The following SMAD6 variants were observed in gnomAD, a reference collection of about 807,000 sequenced individuals.
The protein encoded by SMAD6 is MAD homolog 6.
Under a neutral mutation model 39.4 loss-of-function variants are expected in SMAD6, and 103 were observed. That is an observed-to-expected ratio of 2.62 (90% confidence interval 2.23 to 3.08). SMAD6 has a LOEUF of 3.08. SMAD6 is among the 30% of genes most tolerant of loss of function. The pLI is 0.00. For synonymous variants in SMAD6, 445 were observed against 353.3 expected, an observed-to-expected ratio of 1.26 and a Z score of -2.91; for missense variants, 1,104 against 742.9, an observed-to-expected ratio of 1.49 and a Z score of -5.65.
chr15:66,731,685 G>T (rs1435614013), intron 3 of SMAD6, among the ~76,000 whole-genome samples: 1 of 152,150 alleles, frequency 6.6e-6, no homozygotes, highest in Non-Finnish European at 1.5e-5. Context: ...GGCTACAAAG[G>T]TTTGTGTTCA....
intron 3 of SMAD6, among the ~76,000 whole-genome samples, chr15:66,763,028 C>T (rs1338960825): frequency 6.6e-6 from 1 of 152,014 alleles, no homozygotes; most frequent in Non-Finnish European, 1.5e-5. Context: ...CTGCTTCCTT[C>T]ACGCAGTGGG....
chr15:66,729,059 T>A (rs1893574687), intron 3 of SMAD6, among the ~76,000 whole-genome samples: 1 of 152,210 alleles, frequency 6.6e-6, no homozygotes, highest in Non-Finnish European at 1.5e-5. Flanking sequence ...TCATTTACCC[T>A]CTTACAGATG....
Position 66,702,731 on chromosome 15 carries a change from G to A in SMAD6, c.-528G>A, listed in dbSNP as rs1311851985. Reference sequence around the variant, plus strand: ...TTCCTTTTTTTTTTCTTTTTGCAGGGAGTAAGAAGGGAGCTGGGGGTATCA... The same window carrying A: ...TTCCTTTTTTTTTTCTTTTTGCAGGAAGTAAGAAGGGAGCTGGGGGTATCA... On this transcript the variant is annotated 5_prime_UTR_variant, in exon 1 of 4. Transcript: ENST00000288840. 3 of 152,304 alleles carry A rather than the reference G, an allele frequency of 2.0e-5. No individual in the cohort carries two copies. Among genetic ancestry groups the A allele is most frequent in the Admixed American group, 1.3e-4 (2 of 15,284 alleles). The allele number at this position is 152,304 out of a possible 1,614,324, so 9.4% of individuals were successfully genotyped here.
chr15:66,704,455 C>T lies in SMAD6; in HGVS notation c.817+380C>T, dbSNP rs186271500. On this transcript the variant is annotated intron_variant, in intron 1 of 3. Coordinates refer to ENST00000288840, the MANE Select transcript of SMAD6 (RefSeq NM_005585.5). ...ATTCCGGAATCTACCCCAGTCTGTG[C>T]CCAGGCTTCTAGCATTTGTATGCAC... is the stretch of plus-strand genomic sequence containing the variant. 17 of 179,766 alleles carry T rather than the reference C, an allele frequency of 9.5e-5. No individual in the cohort carries two copies. The Admixed American group carries it at 9.9e-4, about 11-fold the overall frequency. 11.1% of individuals were successfully genotyped at this position (179,766 alleles called of 1,614,324 possible).
intron 3 of SMAD6, among the ~76,000 whole-genome samples, chr15:66,748,143 A>G (rs1278441988): frequency 6.6e-6 from 1 of 152,112 alleles, no homozygotes; most frequent in Non-Finnish European, 1.5e-5. Context: ...AGTGGGATCC[A>G]TATATTTTGG....
intron 3 of SMAD6, among the ~76,000 whole-genome samples, chr15:66,777,384 C>T (rs1199074002): frequency 6.6e-6 from 1 of 152,064 alleles, no homozygotes; most frequent in Admixed American, 6.5e-5. Flanking sequence ...TGTCCCCTTC[C>T]CTTTTATTAG....
At chr15:66,704,428 C>T (rs1293096599) in intron 1 of SMAD6, 2 of 203,304 alleles carry the variant, frequency 9.8e-6, no homozygotes, top group African/African-American at 4.6e-5. Context: ...CCTCCTACCT[C>T]AATTCCGGAA....
At chr15:66,721,603 GT>G (rs1893433250) in intron 3 of SMAD6, among the ~76,000 whole-genome samples, 1 of 152,126 alleles carries the variant, frequency 6.6e-6, no homozygotes, top group Non-Finnish European at 1.5e-5. Flanking sequence ...TTGTCCCTCA[GT>G]TTTCTCACTT....
intron 3 of SMAD6, among the ~76,000 whole-genome samples, chr15:66,752,758 G>A (rs62005649): frequency 2.0e-5 from 3 of 152,116 alleles, no homozygotes; most frequent in Middle Eastern, 3.4e-3. Context: ...TGCATCATTC[G>A]CTCCAGCCTG....
At chr15:66,726,317 C>G (rs1459150506) in intron 3 of SMAD6, among the ~76,000 whole-genome samples, 1 of 152,190 alleles carries the variant, frequency 6.6e-6, no homozygotes, top group Non-Finnish European at 1.5e-5. Context: ...TCCACTGCCC[C>G]TTCCCTCTGA....
At chr15:66,711,518 A>AG (rs923200748) in intron 1 of SMAD6, 150 bp from the exon 2 acceptor site, 7 of 701,996 alleles carry the variant, frequency 1.0e-5, no homozygotes, top group African/African-American at 1.8e-5. Context: ...TTAACTGTTG[A>AG]GGGGATTTGG....
intron 3 of SMAD6, chr15:66,741,250 A>G (rs1228748325): frequency 6.6e-6 from 1 of 152,256 alleles, no homozygotes; most frequent in Non-Finnish European, 1.5e-5. Flanking sequence ...AAGAAAGGCC[A>G]TCCCTGGCCC....
chr15:66,745,084 C>T (rs535528345), intron 3 of SMAD6, among the ~76,000 whole-genome samples: 13 of 152,122 alleles, frequency 8.5e-5, no homozygotes, highest in Non-Finnish European at 1.5e-5. Context: ...AGCCCAGGAC[C>T]CTGCCCTCCC....
In SMAD6 at chr15:66,703,612, G is replaced by T; in HGVS notation, c.354G>T (p.Glu118Asp). The part of the protein sequence containing the change: ...AEPGGPGWLP[E>D]SDCETVTCCL... ...CGGGAGGCCCGGGCTGGCTGCCCGAGAGTGACTGCGAGACGGTGACCTGCT... is the reference window on the plus strand; with the variant it reads ...CGGGAGGCCCGGGCTGGCTGCCCGATAGTGACTGCGAGACGGTGACCTGCT... Residue 118 changes from glutamate (E) to aspartate (D), a missense_variant, in exon 1 of 4, where the codon GAG becomes GAT. Transcript: ENST00000288840. 8.1e-7 allele frequency: 1 copy of T among 1,230,386 alleles called. No individual in the cohort carries two copies. The highest frequency in any genetic ancestry group is 1.0e-6 in the Non-Finnish European group (1 of 984,030). 76.2% of individuals were successfully genotyped at this position (1,230,386 alleles called of 1,614,324 possible).
At chr15:66,743,141 C>T (rs1388673405) in intron 3 of SMAD6, among the ~76,000 whole-genome samples, 1 of 152,168 alleles carries the variant, frequency 6.6e-6, no homozygotes, top group African/African-American at 2.4e-5. Flanking sequence ...GATGCTCCCA[C>T]CAGCCAGAGA....
chr15:66,737,909 T>G (rs1893742522), intron 3 of SMAD6, among the ~76,000 whole-genome samples: 3 of 151,842 alleles, frequency 2.0e-5, no homozygotes, highest in Admixed American at 2.0e-4. Context: ...GAAATAGGGT[T>G]GGGAGGAGGA....
In SMAD6 at chr15:66,704,028, C is replaced by T. The variant is rs1567092020; in HGVS notation, c.770C>T (p.Pro257Leu). 3.3e-6 allele frequency: 5 copies of T among 1,512,468 alleles called. No individual in the cohort carries two copies. Among genetic ancestry groups the T allele is most frequent in the Non-Finnish European group, 4.4e-6 (5 of 1,139,822 alleles). 93.7% of individuals were successfully genotyped at this position (1,512,468 alleles called of 1,614,324 possible). Reference protein sequence around the residue: ...CHSFAAAADGPTVCCNPYHFS... With the variant: ...CHSFAAAADGLTVCCNPYHFS... ...AGCTTCGCCGCCGCCGCCGACGGCCCTACCGTGTGCTGCAACCCCTACCAC... is the reference window on the plus strand; with the variant it reads ...AGCTTCGCCGCCGCCGCCGACGGCCTTACCGTGTGCTGCAACCCCTACCAC... Residue 257 changes from proline to leucine, a missense_variant, in exon 1 of 4, where the codon CCT becomes CTT. Physicochemically the swap from Pro to Leu is moderately conservative, Grantham distance 98. Coordinates refer to ENST00000288840, the MANE Select transcript of SMAD6 (RefSeq NM_005585.5).
chr15:66,703,378 C>G lies in SMAD6; in HGVS notation c.120C>G (p.Gly40=). The G allele has an allele frequency of 6.9e-7, 1 of 1,455,108 alleles. No individual in the cohort carries two copies. The highest frequency in any genetic ancestry group is 9.1e-7 in the Non-Finnish European group (1 of 1,103,208). The allele number at this position is 1,455,108 out of a possible 1,614,324, so 90.1% of individuals were successfully genotyped here. A position where few individuals can be genotyped will look rare whatever the true frequency, so the allele number is the denominator to read the frequency against. ...GCGGCGACGAGGATGGGAGCTTGGG[C>G]AGCCGAGCTGAGCCGGCCCCGCGGG... is the stretch of plus-strand genomic sequence containing the variant. ...GGGGDEDGSL[G]SRAEPAPRAR... Residue 40 remains glycine, a synonymous_variant, in exon 1 of 4, where the codon GGC becomes GGG. Transcript: ENST00000288840.
chr15:66,779,173 C>T (rs1894516791), intron 3 of SMAD6, among the ~76,000 whole-genome samples: 1 of 152,112 alleles, frequency 6.6e-6, no homozygotes, highest in Admixed American at 6.5e-5. Context: ...CAGCTGCCCA[C>T]CTGCTGGGAC....
Sources: gnomAD v4.1 joint callset for allele counts (sites outside exome capture counted in the v4.1 genomes callset) on GRCh38, gnomAD v4.1.1 for gene constraint, MANE v1.5 for transcripts, NCBI Gene and HGNC (gene_info 2026-07-23, HGNC 2026-07-21) for gene names.